Variants in GPM6B observed in about 807,000 individuals in gnomAD.
GPM6B encodes neuronal membrane glycoprotein M6-b.
GPM6B carries 4 observed loss-of-function variants against 27.2 expected under a neutral mutation model. The ratio of observed to expected loss-of-function variants is 0.15; its 90% CI spans 0.07 to 0.34. GPM6B has a LOEUF of 0.34. Ranked by LOEUF, GPM6B falls within the 10% of genes least tolerant of loss-of-function variation. The probability of loss-of-function intolerance (pLI) is 1.00; values close to 1 mark genes in which losing one functional copy is unlikely to be tolerated. For synonymous variants in GPM6B, 124 were observed against 103.1 expected (o/e 1.20, Z -1.23); for missense variants, 183 against 261.9 (o/e 0.70, Z 2.08).
chrX:13,779,751 T>G, intron 5 of GPM6B, 67 bp downstream of exon 5: 1 of 847,605 alleles, frequency 1.2e-6, no homozygotes, highest in East Asian at 3.3e-5. Flanking sequence ...ATGTAATAAT[T>G]AGGTCCAGAC....
At chrX:13,875,098 G>C (rs778519327) in intron 1 of GPM6B, among the ~76,000 whole-genome samples, 1 of 111,337 alleles carries the variant, frequency 9.0e-6, no homozygotes, top group East Asian at 2.8e-4. Flanking sequence ...ATTTCCAGCT[G>C]TTACTAGAAT....
chrX:13,778,859 TGAGAA>T (rs2048463901), intron 5 of GPM6B, among the ~76,000 whole-genome samples: 1 of 112,233 alleles, frequency 8.9e-6, no homozygotes, highest in African/African-American at 3.2e-5. Flanking sequence ...TTGGTCTTTG[TGAGAA>T]GAGGTTAGTC....
chrX:13,837,764 G>C (rs1000274137), intron 1 of GPM6B, among the ~76,000 whole-genome samples: 2 of 48,242 alleles, frequency 4.1e-5, no homozygotes, highest in African/African-American at 1.0e-4. Context: ...CTTAGCAACA[G>C]TGTCTGAAAA....
upstream of GPM6B, among the ~76,000 whole-genome samples, chrX:13,817,512 G>A (rs935239806): frequency 4.5e-5 from 5 of 112,322 alleles, no homozygotes; most frequent in Admixed American, 9.4e-5. Context: ...CTTTGCATAG[G>A]CATGACACTT....
intron 1 of GPM6B, among the ~76,000 whole-genome samples, chrX:13,838,438 T>C (rs1200867482): frequency 8.9e-6 from 1 of 112,776 alleles, no homozygotes; most frequent in Non-Finnish European, 1.9e-5. Flanking sequence ...GAAATTAAGA[T>C]TCATCTGGCT....
chrX:13,812,036 TTTC>T (rs2049140005), intron 1 of GPM6B, among the ~76,000 whole-genome samples: 1 of 88,095 alleles, frequency 1.1e-5, no homozygotes, highest in Non-Finnish European at 2.3e-5. Context: ...GGAGAACACT[TTTC>T]TTTTCTTTCT....
chrX:13,795,723 C>A (rs2214204), intron 2 of GPM6B, among the ~76,000 whole-genome samples: 31,157 of 104,344 alleles, frequency 0.3, 4,205 homozygotes, highest in East Asian at 0.55. Context: ...TAATAAACTT[C>A]TCAGTTCTAA....
intron 1 of GPM6B, among the ~76,000 whole-genome samples, chrX:13,816,011 G>T (rs2049227874): frequency 8.9e-6 from 1 of 111,867 alleles, no homozygotes; most frequent in Non-Finnish European, 1.9e-5. Context: ...AAATTACAAT[G>T]CAGTGAGATC....
Position 13,833,550 on chromosome X carries a change from T to TAAAAAA in GPM6B, c.-197-47748_-197-47743dup, listed in dbSNP as rs755832950. ...GGCAACAGAGCAAGACTCTATCTCT[T>TAAAAAA]AAAAAAAAAAAAAAAAAAACTAGAA... is the stretch of plus-strand genomic sequence containing the variant. On this transcript the variant is annotated intron_variant, in intron 1 of 6. Transcript: ENST00000398361. 3.2e-3 allele frequency among the ~76,000 whole-genome samples: 232 copies of TAAAAAA among 71,507 alleles called. 2 individuals carry two copies. Among genetic ancestry groups the TAAAAAA allele is most frequent in the African/African-American group, 8.1e-3 (135 of 16,768 alleles). The allele number at this position is 71,507 out of a possible 115,157, so 62.1% of individuals were successfully genotyped here. A position where few individuals can be genotyped will look rare whatever the true frequency, so the allele number is the denominator to read the frequency against.
intron 1 of GPM6B, among the ~76,000 whole-genome samples, chrX:13,863,551 T>C (rs969233520): frequency 8.9e-6 from 1 of 111,753 alleles, no homozygotes; most frequent in Non-Finnish European, 1.9e-5. Flanking sequence ...AAAGTGGCAA[T>C]TGTGTGACCT....
At chrX:13,844,576 C>T (rs1023238139) in intron 1 of GPM6B, among the ~76,000 whole-genome samples, 1 of 112,015 alleles carries the variant, frequency 8.9e-6, no homozygotes, top group Non-Finnish European at 1.9e-5. Flanking sequence ...ATTATTATTC[C>T]ACTGGATACA....
In GPM6B at chrX:13,809,703, G is replaced by A. The variant is rs1013676048; in HGVS notation, c.62-1934C>T. Among the ~76,000 whole-genome samples the A allele has an allele frequency of 1.6e-4, 18 of 110,673 alleles. 1 individual carries two copies. The highest frequency in any genetic ancestry group is 7.6e-4 in the South Asian group (2 of 2,617). On this transcript the variant is annotated intron_variant, in intron 1 of 7. Transcript: ENST00000316715. ...TGTAATTCCAACACTCTGGGAGGCC[G>A]AGGCAGCCAGATCACCTGAGGTGAG...
intron 1 of GPM6B, among the ~76,000 whole-genome samples, chrX:13,833,376 TTGAGAA>T (rs2049459739): frequency 9.1e-6 from 1 of 110,078 alleles, no homozygotes. Flanking sequence ...TTCCATATAT[TTGAGAA>T]TAAGATAGTG....
At chrX:13,903,032 G>T (rs1351949044) in intron 1 of GPM6B, among the ~76,000 whole-genome samples, 2 of 112,342 alleles carry the variant, frequency 1.8e-5, no homozygotes, top group African/African-American at 6.5e-5. Context: ...AACCTAACAT[G>T]GGTGTCAGAA....
intron 1 of GPM6B, among the ~76,000 whole-genome samples, chrX:13,936,321 T>A (rs1177954827): frequency 8.9e-6 from 1 of 112,292 alleles, no homozygotes; most frequent in Non-Finnish European, 1.9e-5. Flanking sequence ...GGTTAAAGAT[T>A]GCAAATACCT....
At chrX:13,800,994 A>C (rs745483236) in intron 2 of GPM6B, among the ~76,000 whole-genome samples, 1 of 109,073 alleles carries the variant, frequency 9.2e-6, no homozygotes, top group South Asian at 4.1e-4. Context: ...ATTTTTAACC[A>C]GCATTCTTAG....
At chrX:13,854,218 A>C (rs1251835935) in intron 1 of GPM6B, among the ~76,000 whole-genome samples, 3 of 111,633 alleles carry the variant, frequency 2.7e-5, no homozygotes, top group African/African-American at 9.8e-5. Flanking sequence ...GCTGCAGGGA[A>C]GTGTGCCTGG....
intron 1 of GPM6B, among the ~76,000 whole-genome samples, chrX:13,823,675 A>G (rs72614520): frequency 0.049 from 5,400 of 110,922 alleles, 147 homozygotes; most frequent in African/African-American, 0.1. Context: ...GTGTGCCACC[A>G]TGCCCAGCTA....
At chrX:13,813,324 A>G (rs1183828148) in intron 1 of GPM6B, among the ~76,000 whole-genome samples, 1 of 111,517 alleles carries the variant, frequency 9.0e-6, no homozygotes, top group Non-Finnish European at 1.9e-5. Context: ...ATTAAAATAG[A>G]TGTATTAATT....
Sources: gnomAD v4.1 joint callset for allele counts (sites outside exome capture counted in the v4.1 genomes callset) on GRCh38, gnomAD v4.1.1 for gene constraint, MANE v1.5 for transcripts, NCBI Gene and HGNC (gene_info 2026-07-23, HGNC 2026-07-21) for gene names.